The following SLC25A37 variants were observed in gnomAD, a reference collection of about 807,000 sequenced individuals.
SLC25A37 encodes mitoferrin-1.
In SLC25A37, 17 loss-of-function variants were observed where a neutral mutation model predicts 31.0. The observed-to-expected ratio is 0.55, with a 90% CI of 0.38 to 0.82. The LOEUF is 0.82. SLC25A37 is among the 40% of genes least tolerant of loss of function. The pLI, the probability that SLC25A37 is intolerant of heterozygous loss-of-function variation, is 0.00. For missense variants in SLC25A37, 404 were observed against 465.8 expected, an observed-to-expected ratio of 0.87 and a Z score of 1.22; for synonymous variants, 222 against 193.0, an observed-to-expected ratio of 1.15 and a Z score of -1.24.
chr8:23,570,126 C>A (rs570605545), intron 3 of SLC25A37, among the ~76,000 whole-genome samples: 51 of 152,080 alleles, frequency 3.4e-4, no homozygotes, highest in Non-Finnish European at 6.2e-4. Flanking sequence ...GAGGTTGACC[C>A]GATGGGCAGG....
At chr8:23,571,040 G>A (rs1464541260) in intron 3 of SLC25A37, among the ~76,000 whole-genome samples, 2 of 152,206 alleles carry the variant, frequency 1.3e-5, no homozygotes, top group African/African-American at 2.4e-5. Flanking sequence ...CTAGTCTGAA[G>A]TGGCTGCCTG....
intron 1 of SLC25A37, among the ~76,000 whole-genome samples, chr8:23,535,231 A>T (rs962399545): frequency 6.6e-6 from 1 of 152,156 alleles, no homozygotes; most frequent in Non-Finnish European, 1.5e-5. Flanking sequence ...TTCAGGGGAC[A>T]TTCACACTGC....
intron 3 of SLC25A37, chr8:23,568,679 G>A (rs1441385784): frequency 7.8e-6 from 3 of 383,866 alleles, no homozygotes; most frequent in Admixed American, 3.8e-5. Flanking sequence ...AGTGGCTCAT[G>A]CCTGTAATCC....
intron 1 of SLC25A37, among the ~76,000 whole-genome samples, chr8:23,563,209 C>T (rs3106374): frequency 0.35 from 52,747 of 151,912 alleles, 9,473 homozygotes; most frequent in African/African-American, 0.43. Flanking sequence ...TTTTTTAAGA[C>T]AGGGTTTTGT....
At chr8:23,534,191 G>T (rs558989375) in intron 1 of SLC25A37, among the ~76,000 whole-genome samples, 1 of 152,088 alleles carries the variant, frequency 6.6e-6, no homozygotes, top group Non-Finnish European at 1.5e-5. Flanking sequence ...GGGCTCAAGC[G>T]ATCCTCCCAC....
intron 1 of SLC25A37, among the ~76,000 whole-genome samples, chr8:23,561,564 C>T (rs1802516207): frequency 6.6e-6 from 1 of 152,206 alleles, no homozygotes; most frequent in Admixed American, 6.5e-5. Flanking sequence ...CTTGAGGTCC[C>T]AGAGCTGGAA....
chr8:23,544,441 G>A (rs1801982212), intron 1 of SLC25A37, among the ~76,000 whole-genome samples: 1 of 152,152 alleles, frequency 6.6e-6, no homozygotes, highest in Non-Finnish European at 1.5e-5. Context: ...GGGCCTATGG[G>A]GTATGACTGT....
intron 1 of SLC25A37, among the ~76,000 whole-genome samples, chr8:23,551,529 G>A (rs1802224605): frequency 6.6e-6 from 1 of 151,754 alleles, no homozygotes; most frequent in African/African-American, 2.4e-5. Flanking sequence ...GAAGGAATTG[G>A]TAAAAATGAC....
At position 23,574,272 on chromosome 8, in the gene SLC25A37, C is replaced by T. The variant is rs576081073; in HGVS notation, c.*2417C>T. The T allele has an allele frequency of 6.0e-6, 1 of 165,696 alleles. No individual in the cohort carries two copies. The highest frequency in any genetic ancestry group is 2.4e-5 in the African/African-American group (1 of 42,026). 10.3% of individuals were successfully genotyped at this position (165,696 alleles called of 1,614,324 possible). On this transcript the variant is annotated 3_prime_UTR_variant, in exon 4 of 4. Transcript: ENST00000519973. Reference sequence around the variant, plus strand: ...TTGAGGCCAGCAGTTTGAGACCAGCCTGGCCAACATGATGAAACCCCATCT... The same window carrying T: ...TTGAGGCCAGCAGTTTGAGACCAGCTTGGCCAACATGATGAAACCCCATCT...
intron 1 of SLC25A37, among the ~76,000 whole-genome samples, chr8:23,551,161 A>C (rs1585187752): frequency 1.3e-5 from 2 of 152,218 alleles, no homozygotes; most frequent in East Asian, 3.8e-4. Context: ...TTCCCAGAGC[A>C]CTTTTGTCTG....
At chr8:23,571,169 G>A (rs1472587677) in intron 3 of SLC25A37, among the ~76,000 whole-genome samples, 166 bp from the exon 4 acceptor site, 1 of 152,210 alleles carries the variant, frequency 6.6e-6, no homozygotes, top group African/African-American at 2.4e-5. Context: ...CTGGCCCTCC[G>A]CGGCTGCTCA....
At chr8:23,565,194 C>A (rs1194099357) in intron 1 of SLC25A37, among the ~76,000 whole-genome samples, 2 of 152,192 alleles carry the variant, frequency 1.3e-5, no homozygotes, top group African/African-American at 4.8e-5. Flanking sequence ...TCAGAGTCTA[C>A]TGATTTAAAT....
At chr8:23,566,600 G>A (rs1165761942) in intron 2 of SLC25A37, 12 of 1,194,832 alleles carry the variant, frequency 1.0e-5, no homozygotes, top group Non-Finnish European at 1.1e-5. Context: ...TTATTGTTAT[G>A]TGGGTTTTCT....
chr8:23,559,621 T>C (rs1964070), intron 1 of SLC25A37, among the ~76,000 whole-genome samples: 8,259 of 152,152 alleles, frequency 0.054, 286 homozygotes, highest in Non-Finnish European at 0.074. Flanking sequence ...AAACTCAAAC[T>C]CCTGTACCCA....
chr8:23,546,963 CA>C (rs1486398230), intron 1 of SLC25A37, among the ~76,000 whole-genome samples: 1 of 152,042 alleles, frequency 6.6e-6, no homozygotes, highest in African/African-American at 2.4e-5. Flanking sequence ...CTGCTCCCCC[CA>C]CAGGCTTCTG....
In SLC25A37 at chr8:23,552,706, G is replaced by A. The variant is rs7823295; in HGVS notation, c.211-13402G>A. ...GGCAGAGACGGTCTTTGAGCATTGG[G>A]TGGGTGGTTGAACGCAGTTTCTTTG... On this transcript the variant is annotated intron_variant, in intron 1 of 3. Transcript: ENST00000519973. Among the ~76,000 whole-genome samples, 303 of 152,322 alleles carry A rather than the reference G, an allele frequency of 2.0e-3. 3 individuals are homozygous for A. The highest frequency in any genetic ancestry group is 7.0e-3 in the African/African-American group (292 of 41,572).
At chr8:23,555,213 T>C (rs761419590) in intron 1 of SLC25A37, among the ~76,000 whole-genome samples, 21 of 152,284 alleles carry the variant, frequency 1.4e-4, no homozygotes, top group Non-Finnish European at 2.5e-4. Context: ...TTTCTTCCTC[T>C]CCATGCCAAA....
rs1456215293 is a variant in SLC25A37 at position 23,558,899 on chromosome 8, C to T, written c.211-7209C>T. On this transcript the variant is annotated intron_variant, in intron 1 of 3. Transcript: ENST00000519973. Reference sequence around the variant, plus strand: ...CTGCTTATTTGGCACCCTCTTTCCCCTCCAGGGGCCAGCCACACAACCACC... The same window carrying T: ...CTGCTTATTTGGCACCCTCTTTCCCTTCCAGGGGCCAGCCACACAACCACC... 3.3e-5 allele frequency among the ~76,000 whole-genome samples: 5 copies of T among 152,336 alleles called. No homozygotes were observed. In the South Asian group the frequency reaches 8.3e-4, roughly 25 times the overall value.
At chr8:23,566,067 A>T (rs763271094) in intron 1 of SLC25A37, 41 bp from the exon 2 acceptor site, 6 of 1,536,900 alleles carry the variant, frequency 3.9e-6, no homozygotes, top group Non-Finnish European at 5.2e-6. Context: ...CATCCTGATT[A>T]ACTCTATTTT....
Sources: gnomAD v4.1 joint callset for allele counts (sites outside exome capture counted in the v4.1 genomes callset) on GRCh38, gnomAD v4.1.1 for gene constraint, MANE v1.5 for transcripts, NCBI Gene and HGNC (gene_info 2026-07-23, HGNC 2026-07-21) for gene names.